CHEK1: variants seen among roughly 807,000 people sequenced by gnomAD.
CHEK1 encodes the protein checkpoint kinase 1, also known as serine/threonine-protein kinase Chk1.
Under a neutral mutation model 60.2 loss-of-function variants are expected in CHEK1, and 32 were observed. The observed-to-expected ratio is 0.53, with a 90% CI of 0.40 to 0.71. CHEK1 has a LOEUF of 0.71. CHEK1 is among the 30% of genes least tolerant of loss of function. The probability of loss-of-function intolerance (pLI) is 0.00; values close to 1 mark genes in which losing one functional copy is unlikely to be tolerated. For synonymous variants in CHEK1, 179 were observed against 187.2 expected, an observed-to-expected ratio of 0.96 and a Z score of 0.36; for missense variants, 399 against 564.6, an observed-to-expected ratio of 0.71 and a Z score of 2.97.
chr11:125,665,096 A>C (rs1218273107), intron 13 of CHEK1, among the ~76,000 whole-genome samples: 1 of 151,666 alleles, frequency 6.6e-6, no homozygotes, highest in Non-Finnish European at 1.5e-5. Flanking sequence ...AAAAATGTAG[A>C]TTTATTTCTG....
At chr11:125,677,660 A>C, downstream of CHEK1, 1 of 1,201,386 alleles carries the variant, frequency 8.3e-7, no homozygotes, top group East Asian at 2.5e-5. Context: ...CGAGAACTAG[A>C]GAGACTTTGA....
chr11:125,635,919 C>T (rs1459282443), intron 7 of CHEK1: 2 of 158,678 alleles, frequency 1.3e-5, no homozygotes, highest in African/African-American at 4.8e-5. Context: ...AGTATATTTA[C>T]ATAAATCTAG....
At chr11:125,679,712 G>A (rs1942707977), downstream of CHEK1, among the ~76,000 whole-genome samples, 1 of 152,098 alleles carries the variant, frequency 6.6e-6, no homozygotes, top group Non-Finnish European at 1.5e-5. Flanking sequence ...TTGAGGCTGA[G>A]GTAGTCTAAA....
intron 13 of CHEK1, among the ~76,000 whole-genome samples, chr11:125,669,982 T>A (rs1184443542): frequency 6.6e-6 from 1 of 152,242 alleles, no homozygotes; most frequent in Admixed American, 6.5e-5. Context: ...AACTGCAATA[T>A]CTTACATATT....
At chr11:125,631,729 A>G (rs1940867282) in intron 5 of CHEK1, among the ~76,000 whole-genome samples, 1 of 151,888 alleles carries the variant, frequency 6.6e-6, no homozygotes, top group Non-Finnish European at 1.5e-5. Context: ...ATGGTGGTGC[A>G]CACCTGGAGT....
chr11:125,665,298 G>C (rs1389311745), intron 13 of CHEK1, among the ~76,000 whole-genome samples: 2 of 143,816 alleles, frequency 1.4e-5, no homozygotes, highest in Non-Finnish European at 3.0e-5. Context: ...ATTTGCATAT[G>C]TTGAACTACC....
rs896262319 is a variant in CHEK1, at chr11:125,644,100, T to C, written c.933T>C (p.Asn311=). ...TGTCTTAATGCCTCAGTGAAGAAAA[T>C]GTGAAGTACTCCAGTTCTCAGCCAG... ...SPVNSASSEE[N]VKYSSSQPEP... The change falls in exon 10 of 13, where the codon AAT becomes AAC. Residue 311 remains asparagine, a synonymous_variant. Coordinates refer to ENST00000438015, the MANE Select transcript of CHEK1 (RefSeq NM_001114122.3). 1 of 1,608,478 alleles carries C rather than the reference T, an allele frequency of 6.2e-7. No individual in the cohort carries two copies. The highest frequency in any genetic ancestry group is 8.5e-7 in the Non-Finnish European group (1 of 1,178,704).
intron 13 of CHEK1, among the ~76,000 whole-genome samples, chr11:125,666,206 A>G (rs1454178310): frequency 2.1e-5 from 3 of 144,696 alleles, no homozygotes; most frequent in Non-Finnish European, 4.6e-5. Context: ...TTCCATTTTC[A>G]TTTGTTTTAA....
intron 2 of CHEK1, among the ~76,000 whole-genome samples, 160 bp downstream of exon 2, chr11:125,626,993 T>TA (rs912218732): frequency 1.2e-4 from 18 of 148,954 alleles, no homozygotes; most frequent in East Asian, 3.9e-4. Context: ...TCCTTCCCTT[T>TA]AAAAAAAAAA....
At position 125,627,790 on chromosome 11, in the gene CHEK1, T is replaced by C. The variant is rs770927802; in HGVS notation, c.249T>C (p.Phe83=). The change falls in exon 3 of 13, where the codon TTT becomes TTC. Residue 83 remains phenylalanine (F), a synonymous_variant. Transcript: ENST00000438015. The part of the protein sequence containing the change: ...HRREGNIQYL[F]LEYCSGGELF... ...GAGAAGGCAATATCCAATATTTATT[T>C]CTGGAGTACTGTAGTGGAGGAGAGC... The C allele has an allele frequency of 1.2e-6, 2 of 1,612,138 alleles. No individual in the cohort carries two copies. The highest frequency in any genetic ancestry group is 1.7e-6 in the Non-Finnish European group (2 of 1,179,664).
intron 8 of CHEK1, 195 bp from the exon 9 acceptor site, chr11:125,643,596 GT>G (rs1941385936): frequency 3.7e-6 from 2 of 541,754 alleles, no homozygotes; most frequent in Admixed American, 3.3e-5. Context: ...TGACAAATGA[GT>G]TTTAGTAATT....
intron 5 of CHEK1, 135 bp from the exon 6 acceptor site, chr11:125,633,028 T>G (rs753780278): frequency 3.0e-6 from 2 of 677,108 alleles, no homozygotes; most frequent in Non-Finnish European, 4.7e-6. Context: ...TTTTGTCTAT[T>G]TTGCTTATTT....
intron 13 of CHEK1, among the ~76,000 whole-genome samples, chr11:125,662,932 C>T (rs938456753): frequency 1.3e-5 from 2 of 152,112 alleles, no homozygotes; most frequent in Non-Finnish European, 2.9e-5. Context: ...GTAGTAATAT[C>T]TCATTGTGAG....
chr11:125,641,460 A>G lies in CHEK1; in HGVS notation c.815-2332A>G, dbSNP rs972015809. Among the ~76,000 whole-genome samples, 12 of 152,194 alleles carry G rather than the reference A, an allele frequency of 7.9e-5. No homozygotes were observed. In the South Asian group the frequency reaches 2.1e-3, roughly 26 times the overall value. Reference sequence around the variant, plus strand: ...TGGTTTCATGGCTCTAAATAAAACTATATGTTGATAGTCACATTTATATCA... The same window carrying G: ...TGGTTTCATGGCTCTAAATAAAACTGTATGTTGATAGTCACATTTATATCA... On this transcript the variant is annotated intron_variant, in intron 8 of 12. Coordinates refer to ENST00000438015, the MANE Select transcript of CHEK1 (RefSeq NM_001114122.3).
chr11:125,633,421 A>G (rs1940944806), intron 6 of CHEK1, 70 bp downstream of exon 6: 3 of 1,293,604 alleles, frequency 2.3e-6, no homozygotes, highest in Non-Finnish European at 3.1e-6. Context: ...TAAATGAAAT[A>G]AACCAAGGAA....
chr11:125,651,284 C>CTT (rs1491232730), intron 11 of CHEK1, among the ~76,000 whole-genome samples: 13 of 133,230 alleles, frequency 9.8e-5, no homozygotes, highest in South Asian at 7.4e-4. Context: ...AAAGACAAGC[C>CTT]TCTTTTTTTT....
At chr11:125,636,316 G>A (rs1237059013) in intron 7 of CHEK1, among the ~76,000 whole-genome samples, 1 of 152,076 alleles carries the variant, frequency 6.6e-6, no homozygotes, top group South Asian at 2.1e-4. Context: ...TAAAGGCTGT[G>A]ATAATATTCT....
intron 13 of CHEK1, among the ~76,000 whole-genome samples, chr11:125,673,356 C>T (rs1004631992): frequency 6.6e-6 from 1 of 152,086 alleles, no homozygotes; most frequent in African/African-American, 2.4e-5. Flanking sequence ...AGGCGCACCA[C>T]CACACCTGGC....
intron 13 of CHEK1, among the ~76,000 whole-genome samples, chr11:125,664,113 G>A (rs1001383482): frequency 2.0e-5 from 3 of 152,068 alleles, no homozygotes; most frequent in Admixed American, 1.3e-4. Flanking sequence ...TTGCAGTATA[G>A]TTTGAAGTGA....
Sources: allele counts gnomAD v4.1 joint callset (sites outside exome capture counted in the v4.1 genomes callset), GRCh38; gene constraint gnomAD v4.1.1; transcripts MANE v1.5; gene names NCBI Gene and HGNC (gene_info 2026-07-23, HGNC 2026-07-21).